The following NXPH1 variants were observed in gnomAD, a reference collection of about 807,000 sequenced individuals.
The protein encoded by NXPH1 is neurexophilin 1, also known as neurexophilin-1.
Under a neutral mutation model 23.7 loss-of-function variants are expected in NXPH1, and 5 were observed. The observed-to-expected ratio is 0.21, with a 90% CI of 0.11 to 0.44. The LOEUF is 0.44. Ranked by LOEUF, NXPH1 falls within the 20% of genes least tolerant of loss-of-function variation. The pLI is 0.99. For synonymous variants in NXPH1, 144 were observed against 122.2 expected, an observed-to-expected ratio of 1.18 and a Z score of -1.18; for missense variants, 324 against 321.6, an observed-to-expected ratio of 1.01 and a Z score of -0.06.
chr7:8,548,006 G>C (rs1459945865), intron 2 of NXPH1, among the ~76,000 whole-genome samples: 1 of 151,430 alleles, frequency 6.6e-6, no homozygotes. Flanking sequence ...ATACCTACTA[G>C]TGGGATTGCT....
intron 2 of NXPH1, among the ~76,000 whole-genome samples, chr7:8,594,863 A>T (rs1819183944): frequency 6.6e-6 from 1 of 151,974 alleles, no homozygotes; most frequent in African/African-American, 2.4e-5. Context: ...CCTTTTCATT[A>T]GATTTTCATG....
chr7:8,461,311 C>A (rs867672695), intron 2 of NXPH1, among the ~76,000 whole-genome samples: 33 of 152,082 alleles, frequency 2.2e-4, no homozygotes, highest in Middle Eastern at 3.2e-3. Flanking sequence ...TCCTTTCTCT[C>A]TTCTTTTGCT....
intron 2 of NXPH1, among the ~76,000 whole-genome samples, chr7:8,438,566 T>C (rs879460810): frequency 6.6e-5 from 10 of 152,258 alleles, no homozygotes; most frequent in Non-Finnish European, 1.3e-4. Context: ...AAGCCCATGG[T>C]ATCCTAGTTA....
At chr7:8,533,170 C>T (rs1173288787) in intron 2 of NXPH1, among the ~76,000 whole-genome samples, 1 of 152,168 alleles carries the variant, frequency 6.6e-6, no homozygotes, top group African/African-American at 2.4e-5. Context: ...GTTTGTATGA[C>T]TTCAAACACC....
chr7:8,569,223 C>T (rs1384642844), intron 2 of NXPH1, among the ~76,000 whole-genome samples: 3 of 151,914 alleles, frequency 2.0e-5, no homozygotes, highest in East Asian at 3.9e-4. Flanking sequence ...TAAGCTTCTA[C>T]ACCTAGCTAC....
At chr7:8,668,602 T>G (rs549362785) in intron 2 of NXPH1, among the ~76,000 whole-genome samples, 5 of 150,752 alleles carry the variant, frequency 3.3e-5, no homozygotes, top group African/African-American at 1.2e-4. Flanking sequence ...GGCTTAAAAC[T>G]TGGGTCCACA....
At chr7:8,464,755 G>T (rs1039665209) in intron 2 of NXPH1, among the ~76,000 whole-genome samples, 3 of 151,002 alleles carry the variant, frequency 2.0e-5, no homozygotes, top group African/African-American at 4.9e-5. Flanking sequence ...TGCGTGTAGT[G>T]TTTTTTTTTG....
intron 2 of NXPH1, among the ~76,000 whole-genome samples, chr7:8,505,449 C>A (rs990558632): frequency 3.3e-5 from 5 of 151,966 alleles, no homozygotes; most frequent in African/African-American, 9.7e-5. Flanking sequence ...CATGAGAATA[C>A]CTATGCCTAG....
chr7:8,638,821 C>G (rs1038643018), intron 2 of NXPH1, among the ~76,000 whole-genome samples: 1 of 152,088 alleles, frequency 6.6e-6, no homozygotes, highest in Non-Finnish European at 1.5e-5. Flanking sequence ...TTTTTACCCA[C>G]TGCACTTTAC....
chr7:8,700,611 T>C (rs1053182013), intron 2 of NXPH1, among the ~76,000 whole-genome samples: 34 of 152,178 alleles, frequency 2.2e-4, no homozygotes, highest in African/African-American at 6.0e-4. Flanking sequence ...GAGTACAATG[T>C]GGTCTTTCAC....
chr7:8,474,232 T>C (rs541077282), intron 2 of NXPH1, among the ~76,000 whole-genome samples: 1 of 152,338 alleles, frequency 6.6e-6, no homozygotes, highest in Admixed American at 6.5e-5. Context: ...TTAGGATTGC[T>C]ACACATATTT....
chr7:8,548,181 G>C (rs997330294), intron 2 of NXPH1, among the ~76,000 whole-genome samples: 24 of 151,408 alleles, frequency 1.6e-4, no homozygotes, highest in Non-Finnish European at 3.3e-4. Context: ...TGACCTGTTT[G>C]AAATCACTTA....
intron 2 of NXPH1, among the ~76,000 whole-genome samples, chr7:8,679,898 G>A (rs1445897857): frequency 2.6e-5 from 4 of 152,250 alleles, no homozygotes; most frequent in African/African-American, 7.2e-5. Context: ...GCGCGTGCCT[G>A]TAATTCTAAC....
intron 2 of NXPH1, among the ~76,000 whole-genome samples, chr7:8,726,197 T>G (rs1423680624): frequency 1.3e-5 from 2 of 152,130 alleles, no homozygotes; most frequent in Non-Finnish European, 2.9e-5. Flanking sequence ...TACCAGTGGC[T>G]AATAGGTACA....
intron 2 of NXPH1, among the ~76,000 whole-genome samples, chr7:8,489,577 G>T (rs1343340805): frequency 1.3e-5 from 2 of 152,046 alleles, no homozygotes; most frequent in African/African-American, 2.4e-5. Flanking sequence ...ACCCTGGGCT[G>T]TGCAGACTGA....
chr7:8,457,055 T>C (rs1471383125), intron 2 of NXPH1, among the ~76,000 whole-genome samples: 7 of 152,192 alleles, frequency 4.6e-5, no homozygotes, highest in Non-Finnish European at 4.4e-5. Flanking sequence ...TATTTATGCT[T>C]GATACGAGGG....
At chr7:8,482,854 G>A (rs927985886) in intron 2 of NXPH1, among the ~76,000 whole-genome samples, 16 of 152,152 alleles carry the variant, frequency 1.1e-4, no homozygotes, top group Admixed American at 3.9e-4. Context: ...TGGATAGAAT[G>A]GTTAGAAGAA....
intron 2 of NXPH1, among the ~76,000 whole-genome samples, chr7:8,570,446 G>T (rs992371722): frequency 6.6e-6 from 1 of 151,898 alleles, no homozygotes; most frequent in East Asian, 1.9e-4. Flanking sequence ...TTATGAAGAC[G>T]GCACATAACA....
chr7:8,455,870 CA>C (rs1816585357), intron 2 of NXPH1, among the ~76,000 whole-genome samples: 1 of 152,150 alleles, frequency 6.6e-6, no homozygotes, highest in South Asian at 2.1e-4. Flanking sequence ...TATGAGATGG[CA>C]GGGTTTTCTT....
Sources: allele counts gnomAD v4.1 joint callset (sites outside exome capture counted in the v4.1 genomes callset), GRCh38; gene constraint gnomAD v4.1.1; transcripts MANE v1.5; gene names NCBI Gene and HGNC (gene_info 2026-07-23, HGNC 2026-07-21).